Variants in DMXL2 observed in about 807,000 individuals in gnomAD.
DMXL2 encodes dmX-like protein 2.
In DMXL2, 103 loss-of-function variants were observed where a neutral mutation model predicts 331.1. That is an observed-to-expected ratio of 0.31 (90% CI 0.27 to 0.37). DMXL2 has a LOEUF of 0.37. Among genes scored for constraint, DMXL2 ranks in the 10% least tolerant of loss-of-function variants. The pLI is 1.00. For synonymous variants in DMXL2, 1,281 were observed against 1,252.1 expected (o/e 1.02, Z -0.49); for missense variants, 3,171 against 3,642.9 (o/e 0.87, Z 3.33).
chr15:51,589,443 T>C (rs942436961), intron 1 of DMXL2, among the ~76,000 whole-genome samples: 1 of 152,252 alleles, frequency 6.6e-6, no homozygotes, highest in African/African-American at 2.4e-5. Flanking sequence ...TTGCTCTTAC[T>C]TCAGTACATT....
At chr15:51,588,861 A>G (rs2052066263) in intron 1 of DMXL2, among the ~76,000 whole-genome samples, 1 of 152,198 alleles carries the variant, frequency 6.6e-6, no homozygotes, top group Non-Finnish European at 1.5e-5. Context: ...AGCCAAATGA[A>G]AGATTTCAGC....
chr15:51,456,398 T>G, intron 37 of DMXL2, 29 bp from the exon 38 acceptor site: 1 of 1,368,964 alleles, frequency 7.3e-7, no homozygotes, highest in Non-Finnish European at 1.0e-6. Flanking sequence ...AAAATTTTAT[T>G]TTGTGTATGC....
At chr15:51,505,511 G>A (rs530322523) in intron 16 of DMXL2, among the ~76,000 whole-genome samples, 26 of 152,316 alleles carry the variant, frequency 1.7e-4, no homozygotes, top group African/African-American at 4.8e-4. Flanking sequence ...TCTCTGCTGG[G>A]TGAATCTCTT....
intron 25 of DMXL2, among the ~76,000 whole-genome samples, chr15:51,478,674 T>TTA (rs1256307305): frequency 2.0e-5 from 3 of 152,088 alleles, no homozygotes; most frequent in Non-Finnish European, 4.4e-5. Context: ...ATAGTAATAT[T>TTA]TAAAAAAAAG....
At chr15:51,524,726 A>G (rs987884912) in intron 13 of DMXL2, among the ~76,000 whole-genome samples, 1 of 152,110 alleles carries the variant, frequency 6.6e-6, no homozygotes, top group African/African-American at 2.4e-5. Flanking sequence ...GGAATCGCTG[A>G]TCCTATCTGT....
chr15:51,609,004 A>G (rs1372634345), intron 1 of DMXL2, among the ~76,000 whole-genome samples: 1 of 152,238 alleles, frequency 6.6e-6, no homozygotes, highest in Non-Finnish European at 1.5e-5. Flanking sequence ...AGGATATATT[A>G]TAAGCAGGAA....
At chr15:51,465,729 C>T (rs775264677) in intron 30 of DMXL2, 78 bp from the exon 31 acceptor site, 22 of 1,035,516 alleles carry the variant, frequency 2.1e-5, no homozygotes, top group African/African-American at 3.3e-5. Context: ...TCCCTGCCAA[C>T]TGTTTAGCCC....
At position 51,503,027 on chromosome 15, in the gene DMXL2, G is replaced by C. The variant is rs753098417; in HGVS notation, c.2771C>G (p.Ala924Gly). 6.3e-7 allele frequency: 1 copy of C among 1,595,724 alleles called. No homozygotes were observed. The change falls in exon 17 of 44, where the codon GCT becomes GGT. Residue 924 changes from alanine (A) to glycine (G), a missense_variant. Ala to Gly is a moderately conservative substitution (Grantham distance 60). This residue lies in a region of DMXL2 where 1,674 missense variants were observed against 1,780.2 expected (regional missense o/e 0.94). Transcript: ENST00000560891. Reference protein sequence around the residue: ...LKSVQACLAKASEGASSESLL... With the variant: ...LKSVQACLAKGSEGASSESLL... The stretch of plus-strand genomic sequence containing the variant: ...ACTCTCAGAGGAAGCCCCTTCTGAA[G>C]CTTTAGCTTTAAAAATAAATTATAA...
chr15:51,576,459 T>C (rs1031802672), intron 1 of DMXL2, among the ~76,000 whole-genome samples: 2 of 152,158 alleles, frequency 1.3e-5, no homozygotes, highest in Admixed American at 6.6e-5. Context: ...CTGCAGGTCA[T>C]AAGTCATTCT....
chr15:51,563,476 C>A (rs752701122), intron 5 of DMXL2, 29 bp from the exon 6 acceptor site: 2 of 1,542,450 alleles, frequency 1.3e-6, no homozygotes, highest in African/African-American at 2.8e-5. Context: ...GGCAATTAGC[C>A]CTTTTAAAAT....
chr15:51,556,342 CAAAAAAAAAAAAGAAAAA>C (rs1454423663), intron 6 of DMXL2, among the ~76,000 whole-genome samples: 5 of 46,568 alleles, frequency 1.1e-4, no homozygotes, highest in Admixed American at 2.3e-4. Context: ...GACACTGTCT[CAAAAAAAAAAAAGAAAAA>C]AAAAAAAAAA....
At chr15:51,470,795 G>A (rs902858339) in intron 29 of DMXL2, among the ~76,000 whole-genome samples, 4 of 152,226 alleles carry the variant, frequency 2.6e-5, no homozygotes, top group East Asian at 1.9e-4. Context: ...TTTCCTTTGC[G>A]CTGGGAAAAC....
chr15:51,480,753 T>A lies in DMXL2; in HGVS notation c.6353A>T (p.Lys2118Ile), dbSNP rs2041951810. 1 of 1,599,904 alleles carries A rather than the reference T, an allele frequency of 6.3e-7. No homozygotes were observed. The change falls in exon 24 of 44, where the codon AAA becomes ATA. Residue 2118 changes from lysine (K) to isoleucine (I), a missense_variant. Coordinates refer to ENST00000560891, the MANE Select transcript of DMXL2 (RefSeq NM_001378457.1). ...DLLDQEEMVDKPDIGSYERHQ... is the reference protein window; with the variant it reads ...DLLDQEEMVDIPDIGSYERHQ... ...GCGCTCATAGGAACCAATATCTGGT[T>A]TGTCTACCATTTCTTCCTGATCCAG...
intron 9 of DMXL2, 135 bp downstream of exon 9, chr15:51,542,193 TTTATA>T (rs756352444): frequency 4.9e-5 from 40 of 809,936 alleles, no homozygotes; most frequent in Non-Finnish European, 7.4e-5. Context: ...AAAATGGTAC[TTTATA>T]TTATATCTCT....
intron 29 of DMXL2, among the ~76,000 whole-genome samples, chr15:51,467,800 C>T (rs988001453): frequency 7.9e-5 from 12 of 151,224 alleles, no homozygotes; most frequent in Admixed American, 7.9e-4. Context: ...GATCTTGGCT[C>T]ACTGCAAGCT....
chr15:51,456,147 C>G lies in DMXL2; in HGVS notation c.8445G>C (p.Thr2815=). Residue 2815 remains threonine, a synonymous_variant, in exon 39 of 44, where the codon ACG becomes ACC. Transcript: ENST00000560891. ...GAAAGCAGACAAGTTGCTGAGGCCG[C>G]GTCCATTCAAACATTCGTACACTGC... ...QDGSVRMFEW[T]RPQQLVCFRQ... 5 of 1,614,148 alleles carry G rather than the reference C, an allele frequency of 3.1e-6. No homozygotes were observed. The highest frequency in any genetic ancestry group is 3.4e-6 in the Non-Finnish European group (4 of 1,180,018).
At chr15:51,451,257 G>C (rs949599599) in intron 42 of DMXL2, among the ~76,000 whole-genome samples, 1 of 152,082 alleles carries the variant, frequency 6.6e-6, no homozygotes, top group Admixed American at 6.6e-5. Flanking sequence ...GCATGACCTT[G>C]ATCTCCACAA....
In DMXL2 at chr15:51,502,536, T is replaced by C. The variant is rs368189488; in HGVS notation, c.2992+270A>G. 1.1e-4 allele frequency among the ~76,000 whole-genome samples: 17 copies of C among 152,182 alleles called. No homozygotes were observed. In the East Asian group the frequency reaches 2.3e-3, roughly 21 times the overall value. On this transcript the variant is annotated intron_variant, in intron 17 of 43. Transcript: ENST00000560891. ...CATGGTTTCGCCATGTTAGCCAGGG[T>C]GGTCTCGAACTACTGACCTCAAGTG...
intron 1 of DMXL2, among the ~76,000 whole-genome samples, chr15:51,598,202 A>T (rs1318902059): frequency 6.6e-6 from 1 of 152,186 alleles, no homozygotes; most frequent in Admixed American, 6.5e-5. Flanking sequence ...TCAGGCTTAC[A>T]AAAAGTTGTA....
Sources: gnomAD v4.1 joint callset for allele counts (sites outside exome capture counted in the v4.1 genomes callset) on GRCh38, gnomAD v4.1.1 for gene constraint, gnomAD v4.1.1 regional missense constraint, MANE v1.5 for transcripts, NCBI Gene and HGNC (gene_info 2026-07-23, HGNC 2026-07-21) for gene names.